The following AP2M1 variants were observed in gnomAD, a reference collection of about 807,000 sequenced individuals.
AP2M1 encodes the protein AP-2 complex subunit mu.
AP2M1 carries 5 observed loss-of-function variants against 54.5 expected under a neutral mutation model. That is an observed-to-expected ratio of 0.09 (90% CI 0.05 to 0.19). AP2M1 has a LOEUF of 0.19. Ranked by LOEUF, AP2M1 falls within the 10% of genes least tolerant of loss-of-function variation. The pLI is 1.00. For synonymous variants in AP2M1, 186 were observed against 208.2 expected (o/e 0.89, Z 0.92); for missense variants, 178 against 580.2 (o/e 0.31, Z 7.12).
chr3:184,178,779 G>A lies in AP2M1; in HGVS notation c.75-78G>A. On this transcript the variant is annotated intron_variant, in intron 2 of 11. Transcript: ENST00000292807. This position sits in a 1 kb window ranked among gnomAD's most constrained non-coding sequence, Gnocchi z 4.9. Reference sequence around the variant, plus strand: ...CTTCTGCAGAAAGGAGGGTGGGGCTGTTAGCAGCTGTGGTTGATCCTTATG... The same window carrying A: ...CTTCTGCAGAAAGGAGGGTGGGGCTATTAGCAGCTGTGGTTGATCCTTATG... 6.5e-7 allele frequency: 1 copy of A among 1,543,446 alleles called. No homozygotes were observed. Among genetic ancestry groups the A allele is most frequent in the Non-Finnish European group, 8.8e-7 (1 of 1,135,788 alleles).
chr3:184,179,720 G>A (rs1288853322), intron 3 of AP2M1, among the ~76,000 whole-genome samples: 2 of 148,624 alleles, frequency 1.3e-5, no homozygotes, highest in Non-Finnish European at 3.0e-5. Flanking sequence ...GAGTGCAGTG[G>A]TGCAATTGCA....
rs1238702387 is a variant in AP2M1 at position 184,176,862 on chromosome 3, G to GAA, written c.-43-87_-43-86dup. The GAA allele has an allele frequency of 1.2e-5, 11 of 899,744 alleles. No individual in the cohort carries two copies. In the East Asian group the frequency reaches 2.6e-4, roughly 21 times the overall value. 55.7% of individuals were successfully genotyped at this position (899,744 alleles called of 1,614,324 possible). A position where few individuals can be genotyped will look rare whatever the true frequency, so the allele number is the denominator to read the frequency against. On this transcript the variant is annotated intron_variant, in intron 1 of 11. Coordinates refer to ENST00000292807, the MANE Select transcript of AP2M1 (RefSeq NM_004068.4). ...GTCACTTACTAAAGGGTTGAGTCAGGAAAGAAGCTCCAGTGACCTGCACAG... is the reference window on the plus strand; with the variant it reads ...GTCACTTACTAAAGGGTTGAGTCAGGAAAAAGAAGCTCCAGTGACCTGCACAG...
chr3:184,178,960 C>T lies in AP2M1; in HGVS notation c.178C>T (p.Arg60Trp), dbSNP rs1244718251. 1.9e-6 allele frequency: 3 copies of T among 1,614,170 alleles called. No homozygotes were observed. The highest frequency in any genetic ancestry group is 2.5e-6 in the Non-Finnish European group (3 of 1,180,042). ...TCGCACCAGCTTCTTCCACGTTAAGCGGTCCAACATTTGGCTGGCAGCAGT... is the reference window on the plus strand; with the variant it reads ...TCGCACCAGCTTCTTCCACGTTAAGTGGTCCAACATTTGGCTGGCAGCAGT... ...IARTSFFHVK[R>W]SNIWLAAVTK... Residue 60 changes from arginine (R) to tryptophan (W), a missense_variant, in exon 3 of 12, where the codon CGG becomes TGG. Arg to Trp is a moderately radical substitution (Grantham distance 101). Around this residue, in one of 5 missense-constraint regions of AP2M1, gnomAD observed 115 missense variants for 331.2 expected, o/e 0.35. Transcript: ENST00000292807. The surrounding 1 kb of genome is among the most constrained non-coding windows in gnomAD (Gnocchi z 4.9).
intron 1 of AP2M1, 35 bp downstream of exon 1, chr3:184,174,994 G>C (rs1357671483): frequency 2.5e-6 from 1 of 398,358 alleles, no homozygotes; most frequent in African/African-American, 2.1e-5. Flanking sequence ...GCGTGGAGGA[G>C]GACGCTGCGG....
In AP2M1 at chr3:184,177,080, GCGGAGC is replaced by G. The variant is rs1715098472; in HGVS notation, c.74+15_74+20del. ...GAGATGACATCGGGTGAGTCCCCTG[GCGGAGC>G]CAGCTGTGCCCCACCACTCCAGCCC... is the stretch of plus-strand genomic sequence containing the variant. On this transcript the variant is annotated intron_variant, in intron 2 of 11. Transcript: ENST00000292807. The G allele has an allele frequency of 6.2e-7, 1 of 1,612,106 alleles. No homozygotes were observed. The highest frequency in any genetic ancestry group is 1.3e-5 in the African/African-American group (1 of 75,026).
At chr3:184,177,545 G>C in intron 2 of AP2M1, 2 of 1,535,890 alleles carry the variant, frequency 1.3e-6, no homozygotes, top group Non-Finnish European at 1.7e-6. Flanking sequence ...TTTCTCAGGA[G>C]TCGTCAGGCT....
At position 184,182,419 on chromosome 3, in the gene AP2M1, T is replaced by A; in HGVS notation, c.1061+171T>A. ...ACCTCCATGTGAGTATGTACACGCCTGCATTTGGGTTCATGCACGTGCTTA... is the reference window on the plus strand; with the variant it reads ...ACCTCCATGTGAGTATGTACACGCCAGCATTTGGGTTCATGCACGTGCTTA... On this transcript the variant is annotated intron_variant, in intron 10 of 11. Coordinates refer to ENST00000292807, the MANE Select transcript of AP2M1 (RefSeq NM_004068.4). The surrounding 1 kb of genome is among the most constrained non-coding windows in gnomAD (Gnocchi z 5.5). 1.4e-6 allele frequency: 1 copy of A among 693,250 alleles called. No individual in the cohort carries two copies. Among genetic ancestry groups the A allele is most frequent in the Non-Finnish European group, 2.4e-6 (1 of 421,152 alleles). The allele number at this position is 693,250 out of a possible 1,614,324, so 42.9% of individuals were successfully genotyped here.
At position 184,182,120 on chromosome 3, in the gene AP2M1, C is replaced by T. The variant is rs1483264143; in HGVS notation, c.964-31C>T. Reference sequence around the variant, plus strand: ...AAAGGTAGCTGATGTCACAGCTTGACAGAGCTCCCTGACAGGTGTGTCACT... The same window carrying T: ...AAAGGTAGCTGATGTCACAGCTTGATAGAGCTCCCTGACAGGTGTGTCACT... On this transcript the variant is annotated intron_variant, in intron 9 of 11. Transcript: ENST00000292807. The surrounding 1 kb of genome is among the most constrained non-coding windows in gnomAD (Gnocchi z 5.5). 6.2e-6 allele frequency: 10 copies of T among 1,612,510 alleles called. No individual in the cohort carries two copies. The highest frequency in any genetic ancestry group is 8.5e-6 in the Non-Finnish European group (10 of 1,179,058).
Position 184,180,464 on chromosome 3 carries a change from C to T in AP2M1, c.424-181C>T, listed in dbSNP as rs982726358. The T allele has an allele frequency of 1.8e-6, 2 of 1,105,932 alleles. No individual in the cohort carries two copies. The highest frequency in any genetic ancestry group is 2.6e-6 in the Non-Finnish European group (2 of 762,856). The allele number at this position is 1,105,932 out of a possible 1,614,324, so 68.5% of individuals were successfully genotyped here. ...AGCATCTCTATTACCAGGAATACAGCTCAAGCAGTTTCCTTTTGCACTGAG... is the reference window on the plus strand; with the variant it reads ...AGCATCTCTATTACCAGGAATACAGTTCAAGCAGTTTCCTTTTGCACTGAG... On this transcript the variant is annotated intron_variant, in intron 4 of 11. Transcript: ENST00000292807. The surrounding 1 kb of genome is among the most constrained non-coding windows in gnomAD (Gnocchi z 4.9).
intron 2 of AP2M1, 55 bp downstream of exon 2, chr3:184,177,122 G>A: frequency 6.4e-7 from 1 of 1,555,002 alleles, no homozygotes. Context: ...CCCAGCCCCA[G>A]CATACAGGAT....
In AP2M1 at chr3:184,183,667, C is replaced by T. The variant is rs1310712948; in HGVS notation, c.*51C>T. ...CCCCAGCCACCCTCCTCCACAGGTC[C>T]AGGTGCCGCTCCCTCCCCCACCACA... On this transcript the variant is annotated 3_prime_UTR_variant, in exon 12 of 12. Coordinates refer to ENST00000292807, the MANE Select transcript of AP2M1 (RefSeq NM_004068.4). This position sits in a 1 kb window ranked among gnomAD's most constrained non-coding sequence, Gnocchi z 5.7. 2.5e-6 allele frequency: 4 copies of T among 1,595,420 alleles called. No homozygotes were observed. Among genetic ancestry groups the T allele is most frequent in the Non-Finnish European group, 3.4e-6 (4 of 1,169,238 alleles).
In AP2M1 at chr3:184,182,391, T is replaced by G; in HGVS notation, c.1061+143T>G. 1 of 849,352 alleles carries G rather than the reference T, an allele frequency of 1.2e-6. No homozygotes were observed. Among genetic ancestry groups the G allele is most frequent in the Admixed American group, 2.8e-5 (1 of 35,600 alleles). The allele number at this position is 849,352 out of a possible 1,614,324, so 52.6% of individuals were successfully genotyped here. On this transcript the variant is annotated intron_variant, in intron 10 of 11. Transcript: ENST00000292807. This position sits in a 1 kb window ranked among gnomAD's most constrained non-coding sequence, Gnocchi z 5.5. ...AGCCTCTGCTTGTACTGTCAGTCTT[T>G]ATACCTCCATGTGAGTATGTACACG... is the stretch of plus-strand genomic sequence containing the variant.
At position 184,181,502 on chromosome 3, in the gene AP2M1, G is replaced by A; in HGVS notation, c.708-194G>A. ...TGTGCCTGAAACACCCAGGTCCCTAGCAGAAGGAGCCCCAAGAGATGAGCT... is the reference window on the plus strand; with the variant it reads ...TGTGCCTGAAACACCCAGGTCCCTAACAGAAGGAGCCCCAAGAGATGAGCT... On this transcript the variant is annotated intron_variant, in intron 7 of 11. Transcript: ENST00000292807. This position sits in a 1 kb window ranked among gnomAD's most constrained non-coding sequence, Gnocchi z 5.7. 1.1e-6 allele frequency: 1 copy of A among 870,118 alleles called. No homozygotes were observed. The highest frequency in any genetic ancestry group is 1.7e-6 in the Non-Finnish European group (1 of 579,892). 53.9% of individuals were successfully genotyped at this position (870,118 alleles called of 1,614,324 possible). A position where few individuals can be genotyped will look rare whatever the true frequency, so the allele number is the denominator to read the frequency against.
Position 184,183,033 on chromosome 3 carries a change from G to A in AP2M1, c.1173+165G>A, listed in dbSNP as rs1282899792. On this transcript the variant is annotated intron_variant, in intron 11 of 11. Coordinates refer to ENST00000292807, the MANE Select transcript of AP2M1 (RefSeq NM_004068.4). This position sits in a 1 kb window ranked among gnomAD's most constrained non-coding sequence, Gnocchi z 5.7. ...TCTTCCCCTTTCAAGCCTCTTAGTA[G>A]AAATTACTATTTGTGATGAGGCAAA... The A allele has an allele frequency of 1.4e-6, 1 of 702,826 alleles. No homozygotes were observed. Among genetic ancestry groups the A allele is most frequent in the Middle Eastern group, 2.4e-4 (1 of 4,236 alleles). The allele number at this position is 702,826 out of a possible 1,614,324, so 43.5% of individuals were successfully genotyped here.
In AP2M1 at chr3:184,180,605, C is replaced by T; in HGVS notation, c.424-40C>T. The stretch of plus-strand genomic sequence containing the variant: ...TTCTCCTCCTTTTCTGCCTCCCTTG[C>T]TGCTTCATGTGGGCACCTCGTTGGC... On this transcript the variant is annotated intron_variant, in intron 4 of 11. Transcript: ENST00000292807. The surrounding 1 kb of genome is among the most constrained non-coding windows in gnomAD (Gnocchi z 4.9). 1.9e-6 allele frequency: 3 copies of T among 1,613,346 alleles called. No individual in the cohort carries two copies. The highest frequency in any genetic ancestry group is 2.5e-6 in the Non-Finnish European group (3 of 1,180,008).
At chr3:184,177,664 T>A in intron 2 of AP2M1, 1 of 1,479,012 alleles carries the variant, frequency 6.8e-7, no homozygotes, top group Non-Finnish European at 9.1e-7. Context: ...TGCTACCCTC[T>A]CAGTAGACCC....
In AP2M1 at chr3:184,181,617, G is replaced by C. The variant is rs1577060034; in HGVS notation, c.708-79G>C. On this transcript the variant is annotated intron_variant, in intron 7 of 11. Transcript: ENST00000292807. This position sits in a 1 kb window ranked among gnomAD's most constrained non-coding sequence, Gnocchi z 5.7. ...CAGCTTTTCATAGTCTCTGGTGCCAGCCTGGGGTGGAGTGGTCTCCCAGCA... is the reference window on the plus strand; with the variant it reads ...CAGCTTTTCATAGTCTCTGGTGCCACCCTGGGGTGGAGTGGTCTCCCAGCA... 3.2e-6 allele frequency: 5 copies of C among 1,562,534 alleles called. No homozygotes were observed. Among genetic ancestry groups the C allele is most frequent in the East Asian group, 4.5e-5 (2 of 44,342 alleles).
chr3:184,180,732 TG>T lies in AP2M1; in HGVS notation c.429+84del. On this transcript the variant is annotated intron_variant, in intron 5 of 11. Transcript: ENST00000292807. The surrounding 1 kb of genome is among the most constrained non-coding windows in gnomAD (Gnocchi z 4.9). ...GCCCTTTGGGGCTTATAGGGGAAAA[TG>T]GATTACAGGTGGGGACTAGAAGGGA... The T allele has an allele frequency of 6.2e-7, 1 of 1,613,890 alleles. No homozygotes were observed. The highest frequency in any genetic ancestry group is 1.1e-5 in the South Asian group (1 of 91,066).
intron 3 of AP2M1, among the ~76,000 whole-genome samples, chr3:184,179,803 G>C (rs1476829649): frequency 6.6e-6 from 1 of 151,860 alleles, no homozygotes; most frequent in Non-Finnish European, 1.5e-5. Flanking sequence ...TGGGACCATA[G>C]GCACATGCCA....
Sources: gnomAD v4.1 joint callset for allele counts (sites outside exome capture counted in the v4.1 genomes callset) on GRCh38, gnomAD v4.1.1 for gene constraint, gnomAD v4.1.1 regional missense constraint, Gnocchi (gnomAD v3.1) non-coding constraint, MANE v1.5 for transcripts, NCBI Gene and HGNC (gene_info 2026-07-23, HGNC 2026-07-21) for gene names.